The following DIAPH3 variants were observed in gnomAD, a reference collection of about 807,000 sequenced individuals.
The protein encoded by DIAPH3 is protein diaphanous homolog 3.
DIAPH3 carries 117 observed loss-of-function variants against 144.3 expected under a neutral mutation model. That is an observed-to-expected ratio of 0.81 (90% confidence interval 0.70 to 0.95). The LOEUF is 0.95. Ranked by LOEUF, DIAPH3 falls within the 40% of genes least tolerant of loss-of-function variation. DIAPH3 has a pLI of 0.00. For missense variants in DIAPH3, 1,421 were observed against 1,412.7 expected, an observed-to-expected ratio of 1.01 and a Z score of -0.09; for synonymous variants, 519 against 488.9, an observed-to-expected ratio of 1.06 and a Z score of -0.81.
intron 5 of DIAPH3, among the ~76,000 whole-genome samples, chr13:60,026,668 C>T (rs2818943): frequency 0.75 from 114,710 of 152,052 alleles, 43,403 homozygotes; most frequent in Admixed American, 0.81. Context: ...CTTTAAGCAA[C>T]TTTTTTAACC....
At position 60,125,394 on chromosome 13, in the gene DIAPH3, A is replaced by ATTTTTTTTTTT. The variant is rs56267083; in HGVS notation, c.213+7552_213+7562dup. The stretch of plus-strand genomic sequence containing the variant: ...ATCTGCATACCATCACACCCAGCTA[A>ATTTTTTTTTTT]TTTTTTTTTTTTTTTTTTTTTTTTT... On this transcript the variant is annotated intron_variant, in intron 2 of 27. Transcript: ENST00000400324. 1.2e-3 allele frequency among the ~76,000 whole-genome samples: 115 copies of ATTTTTTTTTTT among 97,850 alleles called. 6 individuals carry two copies. The highest frequency in any genetic ancestry group is 2.7e-3 in the African/African-American group (65 of 24,364). 64.2% of individuals were successfully genotyped at this position (97,850 alleles called of 152,430 possible). A position where few individuals can be genotyped will look rare whatever the true frequency, so the allele number is the denominator to read the frequency against.
chr13:59,913,603 T>C (rs763228670), intron 19 of DIAPH3, among the ~76,000 whole-genome samples: 1 of 152,216 alleles, frequency 6.6e-6, no homozygotes. Context: ...CAATTATGTA[T>C]GTAAATGTCA....
At chr13:60,091,029 A>G (rs936186758) in intron 4 of DIAPH3, among the ~76,000 whole-genome samples, 6 of 152,200 alleles carry the variant, frequency 3.9e-5, no homozygotes, top group African/African-American at 1.4e-4. Flanking sequence ...AATTATGTTT[A>G]TTATCTCAAA....
intron 4 of DIAPH3, among the ~76,000 whole-genome samples, chr13:60,069,595 GT>G (rs756800852): frequency 9.9e-5 from 15 of 152,132 alleles, no homozygotes; most frequent in South Asian, 4.2e-4. Flanking sequence ...TCTTCTAAGG[GT>G]TTTTGTAGTT....
rs573235383 is a variant in DIAPH3 at position 59,836,435 on chromosome 13, T to C, written c.2862+2889A>G. ...AAATATTCAATTCTAATTAAGGCTC[T>C]GACTAGACTTAGCAAGTGGGAGGTA... On this transcript the variant is annotated intron_variant, in intron 23 of 27. Coordinates refer to ENST00000400324, the MANE Select transcript of DIAPH3 (RefSeq NM_001042517.2). Among the ~76,000 whole-genome samples, 14 of 151,968 alleles carry C rather than the reference T, an allele frequency of 9.2e-5. No individual in the cohort carries two copies. The South Asian group carries it at 2.9e-3, about 31-fold the overall frequency.
At chr13:59,879,097 G>C (rs2044825255) in intron 21 of DIAPH3, 132 bp downstream of exon 21, 1 of 1,293,228 alleles carries the variant, frequency 7.7e-7, no homozygotes, top group African/African-American at 1.5e-5. Context: ...CTCTGGGTTT[G>C]AGTTCATGGT....
intron 27 of DIAPH3, among the ~76,000 whole-genome samples, chr13:59,766,951 C>T (rs528588819): frequency 1.3e-5 from 2 of 152,120 alleles, no homozygotes; most frequent in African/African-American, 4.8e-5. Flanking sequence ...CCTTTTTGTA[C>T]CTGGCCTTTC....
intron 3 of DIAPH3, among the ~76,000 whole-genome samples, chr13:60,107,651 A>T (rs150140150): frequency 1.3e-5 from 2 of 152,176 alleles, no homozygotes; most frequent in Non-Finnish European, 2.9e-5. Flanking sequence ...TTAAGAGATG[A>T]CGATGGCATT....
intron 2 of DIAPH3, among the ~76,000 whole-genome samples, chr13:60,125,461 G>A (rs1032716443): frequency 7.4e-6 from 1 of 136,036 alleles, no homozygotes; most frequent in Non-Finnish European, 1.5e-5. Flanking sequence ...GGCTAATCTC[G>A]AAGTTCTGGG....
intron 27 of DIAPH3, among the ~76,000 whole-genome samples, chr13:59,726,760 C>T (rs1021333061): frequency 6.6e-6 from 1 of 152,154 alleles, no homozygotes; most frequent in South Asian, 2.1e-4. Flanking sequence ...ACTGTCCTAA[C>T]TAGACATTTA....
intron 1 of DIAPH3, among the ~76,000 whole-genome samples, chr13:60,162,555 T>C (rs1952341983): frequency 6.6e-6 from 1 of 152,214 alleles, no homozygotes; most frequent in African/African-American, 2.4e-5. Context: ...TAATTTGGCA[T>C]AATTAATCTA....
intron 27 of DIAPH3, among the ~76,000 whole-genome samples, chr13:59,733,531 C>T (rs2035990659): frequency 6.6e-6 from 1 of 152,052 alleles, no homozygotes; most frequent in Admixed American, 6.6e-5. Flanking sequence ...AAATATATAA[C>T]TTTGAAGAAT....
intron 4 of DIAPH3, among the ~76,000 whole-genome samples, chr13:60,092,622 G>A (rs2057984645): frequency 1.3e-5 from 2 of 152,124 alleles, no homozygotes; most frequent in East Asian, 3.9e-4. Flanking sequence ...CTGCACCCCA[G>A]CCTGGGCGAC....
At chr13:59,835,246 A>G (rs2041984752) in intron 23 of DIAPH3, among the ~76,000 whole-genome samples, 2 of 151,816 alleles carry the variant, frequency 1.3e-5, no homozygotes, top group South Asian at 4.1e-4. Context: ...TCTAGGCACT[A>G]GGAAAAACAG....
chr13:59,844,029 T>C (rs1331487722), intron 22 of DIAPH3, among the ~76,000 whole-genome samples: 2 of 151,162 alleles, frequency 1.3e-5, no homozygotes, highest in Non-Finnish European at 2.9e-5. Context: ...AATGGGTTTA[T>C]AGATGCAGCA....
chr13:59,818,194 A>G (rs1462185996), intron 24 of DIAPH3, among the ~76,000 whole-genome samples: 1 of 151,914 alleles, frequency 6.6e-6, no homozygotes, highest in Admixed American at 6.6e-5. Context: ...TGCAAACCTG[A>G]AATATTTACT....
chr13:60,052,018 T>G (rs1423684480), intron 4 of DIAPH3, among the ~76,000 whole-genome samples: 1 of 152,284 alleles, frequency 6.6e-6, no homozygotes, highest in East Asian at 1.9e-4. Flanking sequence ...AGCTACCTGC[T>G]TCCTCCCAGA....
intron 27 of DIAPH3, among the ~76,000 whole-genome samples, chr13:59,709,826 C>T (rs376437568): frequency 6.6e-6 from 1 of 152,064 alleles, no homozygotes; most frequent in African/African-American, 2.4e-5. Context: ...TTCACAATAG[C>T]AAAGACTTGG....
rs190196235 is a variant in DIAPH3 at position 59,881,356 on chromosome 13, C to T, written c.2368-1888G>A. 3.2e-3 allele frequency among the ~76,000 whole-genome samples: 488 copies of T among 152,194 alleles called. 3 individuals are homozygous for T. The highest frequency in any genetic ancestry group is 0.011 in the African/African-American group (465 of 41,534). On this transcript the variant is annotated intron_variant, in intron 20 of 27. Transcript: ENST00000400324. Reference sequence around the variant, plus strand: ...GGCCATTCTGAAGGTGTATAATGGGCTCATAGCATCGCTGTTTTCAGTAAG... The same window carrying T: ...GGCCATTCTGAAGGTGTATAATGGGTTCATAGCATCGCTGTTTTCAGTAAG...
Sources: allele counts gnomAD v4.1 joint callset (sites outside exome capture counted in the v4.1 genomes callset), GRCh38; gene constraint gnomAD v4.1.1; transcripts MANE v1.5; gene names NCBI Gene and HGNC (gene_info 2026-07-23, HGNC 2026-07-21).